The following THRB variants were observed in gnomAD, a reference collection of about 807,000 sequenced individuals.
The protein encoded by THRB is nuclear receptor subfamily 1 group A member 2.
THRB carries 12 observed loss-of-function variants against 47.8 expected under a neutral mutation model. The observed-to-expected ratio is 0.25, with a 90% CI of 0.16 to 0.41. The LOEUF (loss-of-function observed/expected upper bound fraction) is 0.41, where lower values mean the gene tolerates loss of function less well. Ranked by LOEUF, THRB falls within the 10% of genes least tolerant of loss-of-function variation. The probability of loss-of-function intolerance (pLI) is 1.00; values close to 1 mark genes in which losing one functional copy is unlikely to be tolerated. For missense variants in THRB, 348 were observed against 589.2 expected (o/e 0.59, Z 4.24); for synonymous variants, 218 against 212.2 (o/e 1.03, Z -0.24).
At chr3:24,268,490 A>G (rs2150592697) in intron 3 of THRB, among the ~76,000 whole-genome samples, 1 of 152,322 alleles carries the variant, frequency 6.6e-6, no homozygotes, top group South Asian at 2.1e-4. Context: ...TTTTATGGGG[A>G]TCTTTTGAAA....
chr3:24,198,756 T>C (rs1429106809), intron 4 of THRB, among the ~76,000 whole-genome samples: 1 of 152,124 alleles, frequency 6.6e-6, no homozygotes, highest in Non-Finnish European at 1.5e-5. Flanking sequence ...AATGAAGACT[T>C]AGATAGCTCT....
intron 1 of THRB, among the ~76,000 whole-genome samples, chr3:24,347,951 G>A (rs2063127651): frequency 6.6e-6 from 1 of 152,076 alleles, no homozygotes. Flanking sequence ...GAAGAAGTGG[G>A]ATCATGTCTC....
At chr3:24,425,419 T>TA (rs1163161368) in intron 1 of THRB, among the ~76,000 whole-genome samples, 1 of 151,918 alleles carries the variant, frequency 6.6e-6, no homozygotes, top group Non-Finnish European at 1.5e-5. Flanking sequence ...TGTCCATTTT[T>TA]AAAAAAATGT....
intron 5 of THRB, among the ~76,000 whole-genome samples, chr3:24,180,606 T>G (rs1559527244): frequency 6.6e-6 from 1 of 152,194 alleles, no homozygotes; most frequent in Non-Finnish European, 1.5e-5. Context: ...CTTGAAAAGC[T>G]CAGCTGTTTC....
chr3:24,330,950 T>C (rs1221365247), intron 2 of THRB, among the ~76,000 whole-genome samples: 1 of 152,228 alleles, frequency 6.6e-6, no homozygotes, highest in Non-Finnish European at 1.5e-5. Context: ...ACAAACTTTG[T>C]CATTTTTGTG....
At chr3:24,134,519 TCAGAAAGGTTAAGAGCAAG>T (rs1265352822) in intron 8 of THRB, among the ~76,000 whole-genome samples, 7 of 152,074 alleles carry the variant, frequency 4.6e-5, no homozygotes, top group Admixed American at 3.9e-4. Flanking sequence ...AAACTAGGGA[TCAGAAAGGTTAAGAGCAAG>T]CTGCTGAGGC....
intron 1 of THRB, among the ~76,000 whole-genome samples, chr3:24,390,961 A>G (rs1244534079): frequency 6.6e-6 from 1 of 152,080 alleles, no homozygotes; most frequent in African/African-American, 2.4e-5. Flanking sequence ...CCCTGCAGAC[A>G]ATTTCCCTCA....
In THRB at chr3:24,146,603, G is replaced by A. The variant is rs1228156183; in HGVS notation, c.532+72C>T. On this transcript the variant is annotated intron_variant, in intron 7 of 10. Coordinates refer to ENST00000646209, the MANE Select transcript of THRB (RefSeq NM_001354712.2). Reference sequence around the variant, plus strand: ...GGGTTCCTGCCTTCTTTTCTGCCCAGTCGATCTCCTTGAACCAAACTGTTT... The same window carrying A: ...GGGTTCCTGCCTTCTTTTCTGCCCAATCGATCTCCTTGAACCAAACTGTTT... The A allele has an allele frequency of 9.1e-6, 14 of 1,533,460 alleles. No individual in the cohort carries two copies. In the East Asian group the frequency reaches 1.6e-4, roughly 17 times the overall value. 95.0% of individuals were successfully genotyped at this position (1,533,460 alleles called of 1,614,324 possible).
At chr3:24,272,349 A>G (rs568274275) in intron 3 of THRB, among the ~76,000 whole-genome samples, 15 of 149,856 alleles carry the variant, frequency 1.0e-4, no homozygotes, top group Admixed American at 3.3e-4. Context: ...CTCTCTCAAA[A>G]CAACAACAAC....
At chr3:24,161,617 A>AAC (rs58600238) in intron 5 of THRB, among the ~76,000 whole-genome samples, 7,646 of 141,052 alleles carry the variant, frequency 0.054, 213 homozygotes, top group African/African-American at 0.068. Context: ...AGAGCTACAG[A>AAC]ACACACACAC....
At chr3:24,479,986 G>A (rs1222381752) in intron 1 of THRB, among the ~76,000 whole-genome samples, 1 of 152,156 alleles carries the variant, frequency 6.6e-6, no homozygotes, top group Non-Finnish European at 1.5e-5. Context: ...CTTGCCTCTA[G>A]GATGGGTCAA....
chr3:24,379,822 T>G (rs1342426489), intron 1 of THRB, among the ~76,000 whole-genome samples: 1 of 152,004 alleles, frequency 6.6e-6, no homozygotes, highest in African/African-American at 2.4e-5. Flanking sequence ...CCCTGTTACT[T>G]CCAGGTTCCC....
At chr3:24,242,856 C>T (rs942670846) in intron 3 of THRB, among the ~76,000 whole-genome samples, 6 of 152,034 alleles carry the variant, frequency 3.9e-5, no homozygotes, top group African/African-American at 1.4e-4. Flanking sequence ...CAGCCCCATC[C>T]CAGTTTGCAC....
chr3:24,431,893 A>G (rs1277751730), intron 1 of THRB, among the ~76,000 whole-genome samples: 2 of 152,128 alleles, frequency 1.3e-5, no homozygotes, highest in African/African-American at 2.4e-5. Flanking sequence ...TTGTAGGAAC[A>G]TATATATGAC....
At chr3:24,424,813 A>C (rs977473919) in intron 1 of THRB, among the ~76,000 whole-genome samples, 15 of 151,996 alleles carry the variant, frequency 9.9e-5, no homozygotes, top group Non-Finnish European at 1.0e-4. Context: ...AAAAGCAGAA[A>C]GAATAAAAAA....
intron 5 of THRB, chr3:24,165,031 T>G (rs543291853): frequency 2.7e-6 from 2 of 743,614 alleles, no homozygotes; most frequent in East Asian, 4.9e-5. Context: ...CCCTACCTTT[T>G]TTTTGAGAAT....
At chr3:24,200,471 A>G (rs576990503) in intron 4 of THRB, among the ~76,000 whole-genome samples, 45 of 152,358 alleles carry the variant, frequency 3.0e-4, no homozygotes, top group Admixed American at 8.5e-4. Flanking sequence ...AATGGTATAC[A>G]TCACCCTGTA....
intron 1 of THRB, among the ~76,000 whole-genome samples, chr3:24,473,512 A>G (rs1351311102): frequency 6.6e-6 from 1 of 152,226 alleles, no homozygotes. Flanking sequence ...TAGTTCAACC[A>G]TTGTGGAAGA....
At chr3:24,211,049 A>G (rs957871663) in intron 4 of THRB, among the ~76,000 whole-genome samples, 1 of 152,060 alleles carries the variant, frequency 6.6e-6, no homozygotes, top group Non-Finnish European at 1.5e-5. Flanking sequence ...AAATACAAAA[A>G]TTAGCCAGGT....
Sources: gnomAD v4.1 joint callset for allele counts (sites outside exome capture counted in the v4.1 genomes callset) on GRCh38, gnomAD v4.1.1 for gene constraint, MANE v1.5 for transcripts, NCBI Gene and HGNC (gene_info 2026-07-23, HGNC 2026-07-21) for gene names.